The following SCML2 variants were observed in gnomAD, a reference collection of about 807,000 sequenced individuals.
SCML2 encodes the protein Scm polycomb group protein like 2.
In SCML2, 6 loss-of-function variants were observed where a neutral mutation model predicts 48.4. The observed-to-expected ratio is 0.12, with a 90% CI of 0.07 to 0.24. SCML2 has a LOEUF of 0.24. SCML2 is among the 10% of genes least tolerant of loss of function. SCML2 has a pLI of 1.00. For synonymous variants in SCML2, 181 were observed against 189.5 expected (o/e 0.95, Z 0.37); for missense variants, 377 against 528.2 (o/e 0.71, Z 2.81).
Position 18,298,952 on chromosome X carries a change from A to G in SCML2, c.730+6020T>C, listed in dbSNP as rs755266545. On this transcript the variant is annotated intron_variant, in intron 7 of 14. Transcript: ENST00000251900. ...ATAAAACTATGAAACTACTAGAAGG[A>G]AACATAGGAGAAACAGTTCAGCACA... Among the ~76,000 whole-genome samples, 3 of 111,937 alleles carry G rather than the reference A, an allele frequency of 2.7e-5. No homozygotes were observed. In the East Asian group the frequency reaches 8.4e-4, roughly 31 times the overall value.
intron 7 of SCML2, among the ~76,000 whole-genome samples, chrX:18,295,183 C>T (rs1928354150): frequency 8.9e-6 from 1 of 112,031 alleles, no homozygotes; most frequent in African/African-American, 3.2e-5. Context: ...GCCTGCTCAC[C>T]ACTGCTGCTG....
chrX:18,336,878 C>A (rs1324399804), intron 1 of SCML2, among the ~76,000 whole-genome samples: 2 of 111,117 alleles, frequency 1.8e-5, no homozygotes, highest in African/African-American at 6.5e-5. Context: ...AATATGCTTA[C>A]AAAGGAGAAA....
rs928030225 is a variant in SCML2, at chrX:18,315,613, C to T, written c.486+4719G>A. Reference sequence around the variant, plus strand: ...TAGAGGAGGGGCTCTCATGTACACACGCCTATGATAAAAACTATTACAAGG... The same window carrying T: ...TAGAGGAGGGGCTCTCATGTACACATGCCTATGATAAAAACTATTACAAGG... On this transcript the variant is annotated intron_variant, in intron 6 of 14. Coordinates refer to ENST00000251900, the MANE Select transcript of SCML2 (RefSeq NM_006089.3). 2.7e-5 allele frequency among the ~76,000 whole-genome samples: 3 copies of T among 111,205 alleles called. No homozygotes were observed. In the Admixed American group the frequency reaches 2.9e-4, roughly 11 times the overall value.
chrX:18,244,335 CTAATT>C (rs1926367389), intron 13 of SCML2, among the ~76,000 whole-genome samples: 1 of 111,663 alleles, frequency 9.0e-6, no homozygotes, highest in African/African-American at 3.3e-5. Flanking sequence ...AATCATATCT[CTAATT>C]TAATGTACAT....
chrX:18,348,608 A>G (rs1930276219), intron 1 of SCML2, among the ~76,000 whole-genome samples: 1 of 112,241 alleles, frequency 8.9e-6, no homozygotes, highest in Non-Finnish European at 1.9e-5. Context: ...CCTACTATAT[A>G]TTAATTCTTT....
rs749758995 is a variant in SCML2 at position 18,347,723 on chromosome X, C to CAA, written c.-25+6867_-25+6868dup. 2.2e-3 allele frequency among the ~76,000 whole-genome samples: 48 copies of CAA among 21,923 alleles called. 5 individuals are homozygous for CAA. The highest frequency in any genetic ancestry group is 7.9e-3 in the South Asian group (1 of 126). The allele number at this position is 21,923 out of a possible 115,157, so 19.0% of individuals were successfully genotyped here. On this transcript the variant is annotated intron_variant, in intron 1 of 14. Coordinates refer to ENST00000251900, the MANE Select transcript of SCML2 (RefSeq NM_006089.3). ...TGGGTGACAGAGCAAGACTCCGTCT[C>CAA]AAAAAAAAAAAAAAAAAAAAAAAAA...
At chrX:18,284,934 G>A (rs1485272766) in intron 7 of SCML2, among the ~76,000 whole-genome samples, 4 of 110,870 alleles carry the variant, frequency 3.6e-5, no homozygotes, top group Non-Finnish European at 7.6e-5. Flanking sequence ...CAGCTACTCG[G>A]GAGGCTGAGG....
intron 13 of SCML2, among the ~76,000 whole-genome samples, chrX:18,244,744 T>TCC (rs369211676): frequency 1.0e-4 from 11 of 107,171 alleles, no homozygotes; most frequent in Non-Finnish European, 2.1e-4. Flanking sequence ...AGTGATCTGA[T>TCC]CCCCCCCCCT....
At chrX:18,249,972 C>G (rs1055013527) in intron 11 of SCML2, among the ~76,000 whole-genome samples, 3 of 111,221 alleles carry the variant, frequency 2.7e-5, no homozygotes, top group African/African-American at 9.8e-5. Flanking sequence ...CCACTCTTAA[C>G]AAAGAAACAC....
At chrX:18,320,958 A>G (rs1328061281) in intron 5 of SCML2, among the ~76,000 whole-genome samples, 1 of 111,486 alleles carries the variant, frequency 9.0e-6, no homozygotes, top group East Asian at 2.8e-4. Context: ...TATTTAGGGG[A>G]CGTGCACTGA....
intron 7 of SCML2, among the ~76,000 whole-genome samples, chrX:18,296,303 C>T (rs1928395314): frequency 9.3e-6 from 1 of 108,057 alleles, no homozygotes; most frequent in Admixed American, 1.0e-4. Flanking sequence ...ATGAAGAATT[C>T]AATGCATTAA....
intron 7 of SCML2, among the ~76,000 whole-genome samples, chrX:18,280,088 G>GA (rs1243484509): frequency 9.0e-6 from 1 of 111,586 alleles, no homozygotes; most frequent in Non-Finnish European, 1.9e-5. Context: ...CAATGCAAAA[G>GA]AAAAAATTTT....
chrX:18,308,345 G>A (rs1418203746), intron 6 of SCML2, among the ~76,000 whole-genome samples: 1 of 76,878 alleles, frequency 1.3e-5, no homozygotes, highest in Non-Finnish European at 2.4e-5. Context: ...GACAGGGAGG[G>A]AGGAAAGGAC....
intron 6 of SCML2, among the ~76,000 whole-genome samples, chrX:18,318,604 T>C (rs1602133019): frequency 8.9e-6 from 1 of 112,519 alleles, no homozygotes; most frequent in African/African-American, 3.2e-5. Flanking sequence ...TAACATTACT[T>C]CTGAAACCAA....
chrX:18,266,773 GATAATACCAC>G lies in SCML2; in HGVS notation c.731-981_731-972del, dbSNP rs775953462. 2.3e-4 allele frequency among the ~76,000 whole-genome samples: 26 copies of G among 111,939 alleles called. 1 individual carries two copies. Among genetic ancestry groups the G allele is most frequent in the Admixed American group, 2.1e-3 (22 of 10,544 alleles). ...GTACATGTAAATCTGACCCGCAATA[GATAATACCAC>G]ATCTTTCCTACGGCCTTTTCATCTA... On this transcript the variant is annotated intron_variant, in intron 7 of 14. Coordinates refer to ENST00000251900, the MANE Select transcript of SCML2 (RefSeq NM_006089.3).
Position 18,256,951 on chromosome X carries a change from G to C in SCML2, c.1353C>G (p.Asn451Lys). ...TATCACACTGCAGACTGTGGCAGAA[G>C]TTCTCAAGAAAGCGAAGAGCAAATG... ...SASFALRFLE[N>K]FCHSLQCDNL... The change falls in exon 11 of 15, where the codon AAC becomes AAG. Residue 451 changes from asparagine (N) to lysine (K), a missense_variant. Physicochemically the swap from Asn to Lys is moderately conservative, Grantham distance 94. Around this residue, in one of 3 missense-constraint regions of SCML2, gnomAD observed 299 missense variants for 425.5 expected, o/e 0.70. Transcript: ENST00000251900. The C allele has an allele frequency of 8.3e-7, 1 of 1,208,701 alleles. No individual in the cohort carries two copies. The highest frequency in any genetic ancestry group is 1.1e-6 in the Non-Finnish European group (1 of 893,646).
chrX:18,243,468 A>G (rs1479520588), intron 13 of SCML2, among the ~76,000 whole-genome samples: 4 of 111,507 alleles, frequency 3.6e-5, no homozygotes, highest in Non-Finnish European at 7.5e-5. Context: ...CTTTTACCAA[A>G]TCTCTCTGAT....
At chrX:18,248,854 C>T (rs1039761693) in intron 11 of SCML2, among the ~76,000 whole-genome samples, 2 of 111,979 alleles carry the variant, frequency 1.8e-5, no homozygotes, top group Non-Finnish European at 3.8e-5. Context: ...CTCAGAATCT[C>T]GGCAAGATTA....
chrX:18,328,006 G>C (rs1342679864), intron 3 of SCML2, among the ~76,000 whole-genome samples: 1 of 111,876 alleles, frequency 8.9e-6, no homozygotes, highest in Non-Finnish European at 1.9e-5. Flanking sequence ...GATGGGGGCA[G>C]TATTCTATCT....
Sources: allele counts gnomAD v4.1 joint callset (sites outside exome capture counted in the v4.1 genomes callset), GRCh38; gene constraint gnomAD v4.1.1; regional missense constraint gnomAD v4.1.1; transcripts MANE v1.5; gene names NCBI Gene and HGNC (gene_info 2026-07-23, HGNC 2026-07-21).